The following PHEX variants were observed in gnomAD, a reference collection of about 807,000 sequenced individuals.
PHEX encodes the protein phosphate-regulating neutral endopeptidase PHEX.
PHEX carries 16 observed loss-of-function variants against 68.0 expected under a neutral mutation model. The ratio of observed to expected loss-of-function variants is 0.24; its 90% CI spans 0.16 to 0.36. The LOEUF (loss-of-function observed/expected upper bound fraction) is 0.36. PHEX is among the 10% of genes least tolerant of loss of function. PHEX has a pLI of 1.00. For synonymous variants in PHEX, 208 were observed against 205.1 expected (o/e 1.01, Z -0.12); for missense variants, 480 against 575.5 (o/e 0.83, Z 1.70).
intron 20 of PHEX, among the ~76,000 whole-genome samples, chrX:22,234,562 C>A (rs780227486): frequency 9.0e-6 from 1 of 110,754 alleles, no homozygotes; most frequent in East Asian, 2.9e-4. Flanking sequence ...TTTGTTTACA[C>A]TGTGAGGGTA....
intron 15 of PHEX, among the ~76,000 whole-genome samples, chrX:22,205,343 A>G (rs965928576): frequency 4.5e-5 from 5 of 111,863 alleles, no homozygotes; most frequent in Non-Finnish European, 7.5e-5. Flanking sequence ...AACAAATTCA[A>G]TGATGCTTAT....
chrX:22,034,525 CA>C (rs1926928058), intron 1 of PHEX, among the ~76,000 whole-genome samples: 1 of 112,021 alleles, frequency 8.9e-6, no homozygotes, highest in African/African-American at 3.2e-5. Context: ...GTTTTTAGAG[CA>C]AAGTAAAATT....
chrX:22,232,483 T>C (rs1163774195), intron 20 of PHEX, among the ~76,000 whole-genome samples: 1 of 110,323 alleles, frequency 9.1e-6, no homozygotes, highest in East Asian at 2.8e-4. Context: ...TTAGGATAGT[T>C]AGCTCTTCTT....
rs1269067103 is a variant in PHEX, at chrX:22,168,394, G to T, written c.1482+5G>T. The T allele has an allele frequency of 8.9e-7, 1 of 1,124,672 alleles. No homozygotes were observed. The highest frequency in any genetic ancestry group is 2.2e-5 in the Admixed American group (1 of 45,875). The allele number at this position is 1,124,672 out of a possible 1,213,427, so 92.7% of individuals were successfully genotyped here. A position where few individuals can be genotyped will look rare whatever the true frequency, so the allele number is the denominator to read the frequency against. ...GTTAATGAAGACCTCAAAGCTGTAA[G>T]TGCTAAATTTACTGTACTTTTTTTT... On this transcript the variant is annotated splice_donor_5th_base_variant and intron_variant, in intron 13 of 21. Transcript: ENST00000379374.
At chrX:22,118,339 CAAAAAA>C (rs1157170753) in intron 11 of PHEX, among the ~76,000 whole-genome samples, 3 of 21,111 alleles carry the variant, frequency 1.4e-4, no homozygotes, top group Non-Finnish European at 2.6e-4. Context: ...TAAACAGCAC[CAAAAAA>C]AAAAAAAAAA....
At chrX:22,126,566 G>A (rs776879247) in intron 11 of PHEX, among the ~76,000 whole-genome samples, 2 of 111,812 alleles carry the variant, frequency 1.8e-5, no homozygotes, top group Admixed American at 9.5e-5. Flanking sequence ...GTGATGGGAG[G>A]AAGGGTAAGG....
rs1220315681 is a variant in PHEX, at chrX:22,216,711, G to C, written c.1701-2325G>C. Among the ~76,000 whole-genome samples the C allele has an allele frequency of 2.8e-5, 3 of 109,049 alleles. No individual in the cohort carries two copies. In the East Asian group the frequency reaches 8.7e-4, roughly 32 times the overall value. The allele number at this position is 109,049 out of a possible 115,157, so 94.7% of individuals were successfully genotyped here. A position where few individuals can be genotyped will look rare whatever the true frequency, so the allele number is the denominator to read the frequency against. ...ATTTTGTATTTTTTAATAGACATGG[G>C]GTTTCTCCATGTTGGTCAGGCTGGT... On this transcript the variant is annotated intron_variant, in intron 16 of 21. Coordinates refer to ENST00000379374, the MANE Select transcript of PHEX (RefSeq NM_000444.6).
chrX:22,189,844 T>C (rs147441551), intron 14 of PHEX, among the ~76,000 whole-genome samples: 3,428 of 112,324 alleles, frequency 0.031, 142 homozygotes, highest in African/African-American at 0.11. Context: ...AATGCCTTAA[T>C]TTTATAGCTA....
At chrX:22,106,627 T>A (rs1930703892) in intron 9 of PHEX, among the ~76,000 whole-genome samples, 1 of 110,280 alleles carries the variant, frequency 9.1e-6, no homozygotes, top group African/African-American at 3.3e-5. Flanking sequence ...AAAAAAAATG[T>A]GCTGAGCACA....
chrX:22,094,145 TTTTCCTTTACTTTCTTTTCC>T, intron 7 of PHEX, 46 bp downstream of exon 7: 1 of 749,086 alleles, frequency 1.3e-6, no homozygotes, highest in African/African-American at 2.0e-5. Context: ...CTTTCTTTTC[TTTTCCTTTACTTTCTTTTCC>T]TTTCCTTTTA....
At chrX:22,180,585 T>TG (rs1171819023) in intron 14 of PHEX, among the ~76,000 whole-genome samples, 2 of 111,886 alleles carry the variant, frequency 1.8e-5, no homozygotes, top group African/African-American at 6.5e-5. Flanking sequence ...TCAGAGTAAA[T>TG]GGGGTATCCA....
At chrX:22,111,711 T>TGC (rs1930979853) in intron 10 of PHEX, 151 bp downstream of exon 10, 1 of 459,051 alleles carries the variant, frequency 2.2e-6, no homozygotes, top group African/African-American at 2.5e-5. Flanking sequence ...TGTGTGTGTG[T>TGC]GCCTTATTTA....
intron 15 of PHEX, among the ~76,000 whole-genome samples, chrX:22,204,301 G>A (rs781104462): frequency 9.0e-6 from 1 of 111,551 alleles, no homozygotes; most frequent in African/African-American, 3.3e-5. Flanking sequence ...CCAGATAATC[G>A]TACAAACCAC....
At chrX:22,081,920 G>A (rs183328519) in intron 5 of PHEX, among the ~76,000 whole-genome samples, 312 of 111,629 alleles carry the variant, frequency 2.8e-3, no homozygotes, top group Middle Eastern at 9.3e-3. Flanking sequence ...GTATTTGGAA[G>A]GCCAAGGATG....
Position 22,250,881 on chromosome X carries a change from G to T in PHEX, c.*2928G>T, listed in dbSNP as rs1936547288. 8.9e-6 allele frequency: 1 copy of T among 112,073 alleles called. No homozygotes were observed. Among genetic ancestry groups the T allele is most frequent in the Non-Finnish European group, 1.9e-5 (1 of 53,221 alleles). The allele number at this position is 112,073 out of a possible 1,213,427, so 9.2% of individuals were successfully genotyped here. A position where few individuals can be genotyped will look rare whatever the true frequency, so the allele number is the denominator to read the frequency against. On this transcript the variant is annotated 3_prime_UTR_variant, in exon 22 of 22. Coordinates refer to ENST00000379374, the MANE Select transcript of PHEX (RefSeq NM_000444.6). Reference sequence around the variant, plus strand: ...GCTAGGAACTATGGCTTGCCAGACAGATTATGCTTGTGCCAGAGAAGTGGA... The same window carrying T: ...GCTAGGAACTATGGCTTGCCAGACATATTATGCTTGTGCCAGAGAAGTGGA...
chrX:22,133,491 T>C, intron 11 of PHEX, 32 bp from the exon 12 acceptor site: 1 of 1,124,843 alleles, frequency 8.9e-7, no homozygotes, highest in Non-Finnish European at 1.2e-6. Flanking sequence ...CTTCTTGGCT[T>C]TGACGTTCCC....
intron 15 of PHEX, among the ~76,000 whole-genome samples, chrX:22,210,428 G>T (rs778895361): frequency 8.9e-5 from 10 of 111,831 alleles, no homozygotes; most frequent in Non-Finnish European, 1.9e-4. Context: ...TTACCAGGCA[G>T]GATAAGCCAT....
intron 3 of PHEX, among the ~76,000 whole-genome samples, chrX:22,062,553 A>G (rs1025303867): frequency 9.0e-6 from 1 of 110,734 alleles, no homozygotes; most frequent in Non-Finnish European, 1.9e-5. Context: ...TAAACTTGCA[A>G]CCCTTCTCCA....
intron 14 of PHEX, among the ~76,000 whole-genome samples, chrX:22,182,615 TGTG>T (rs1356691185): frequency 2.5e-4 from 28 of 111,167 alleles, no homozygotes; most frequent in African/African-American, 8.2e-4. Context: ...TGTGTGTGTG[TGTG>T]TGTGGCTAGT....
Sources: allele counts gnomAD v4.1 joint callset (sites outside exome capture counted in the v4.1 genomes callset), GRCh38; gene constraint gnomAD v4.1.1; transcripts MANE v1.5; gene names NCBI Gene and HGNC (gene_info 2026-07-23, HGNC 2026-07-21).